ADH6: variants seen among roughly 807,000 people sequenced by gnomAD.
ADH6 encodes the protein alcohol dehydrogenase 6.
Under a neutral mutation model 36.5 loss-of-function variants are expected in ADH6, and 34 were observed. That is an observed-to-expected ratio of 0.93 (90% confidence interval 0.71 to 1.24). ADH6 has a LOEUF of 1.24. Ranked by LOEUF, ADH6 falls within the 50% of genes most tolerant of loss-of-function variation. The probability of loss-of-function intolerance (pLI) is 0.00; values close to 1 mark genes in which losing one functional copy is unlikely to be tolerated. For synonymous variants in ADH6, 161 were observed against 155.5 expected, an observed-to-expected ratio of 1.04 and a Z score of -0.26; for missense variants, 440 against 447.0, an observed-to-expected ratio of 0.98 and a Z score of 0.14.
chr4:99,208,829 C>T lies in ADH6; in HGVS notation c.667G>A (p.Val223Met), dbSNP rs2110546304. Residue 223 changes from valine (V) to methionine (M), a missense_variant, in exon 6 of 9, where the codon GTG becomes ATG. Coordinates refer to ENST00000394899, the MANE Select transcript of ADH6 (RefSeq NM_001102470.2). ...TTAAATTTCTCCTTGTTGACATCCA[C>T]TCCAATGATCCTGGCTGCTCCTGCT... ...KAAGAARIIG[V>M]DVNKEKFKKA... is the part of the protein sequence containing the mutation. The T allele has an allele frequency of 6.2e-7, 1 of 1,613,834 alleles. No homozygotes were observed. Among genetic ancestry groups the T allele is most frequent in the East Asian group, 2.2e-5 (1 of 44,864 alleles).
chr4:99,210,029 T>A (rs1731167024), intron 5 of ADH6, 53 bp downstream of exon 5: 12 of 1,574,136 alleles, frequency 7.6e-6, no homozygotes, highest in Admixed American at 3.4e-5. Flanking sequence ...CAAGAGGCCT[T>A]TCAACTCCAT....
intron 4 of ADH6, 23 bp downstream of exon 4, chr4:99,210,392 A>G (rs1484750985): frequency 6.3e-7 from 1 of 1,598,374 alleles, no homozygotes; most frequent in Non-Finnish European, 8.6e-7. Context: ...GTTTTCAAAA[A>G]GAAAATATTA....
chr4:99,209,013 T>C, intron 5 of ADH6, 85 bp from the exon 6 acceptor site: 1 of 1,385,596 alleles, frequency 7.2e-7, no homozygotes, highest in Non-Finnish European at 9.7e-7. Flanking sequence ...TAAGTCTATA[T>C]GCATGTATTT....
At chr4:99,217,445 C>T (rs1482542069) in intron 1 of ADH6, among the ~76,000 whole-genome samples, 1 of 152,134 alleles carries the variant, frequency 6.6e-6, no homozygotes, top group Non-Finnish European at 1.5e-5. Flanking sequence ...TTTTAGCTCC[C>T]ACGTATGCGT....
Position 99,210,181 on chromosome 4 carries a change from G to T in ADH6, c.468C>A (p.Ile156=), listed in dbSNP as rs1178320141. 6.2e-7 allele frequency: 1 copy of T among 1,613,788 alleles called. No individual in the cohort carries two copies. The highest frequency in any genetic ancestry group is 8.5e-7 in the Non-Finnish European group (1 of 1,179,838). ...CGACTGCATCAATCTTGGCAACTGA[G>T]ATTTCCTTTATCACTGTGTATTCAC... is the stretch of plus-strand genomic sequence containing the variant. ...TFCEYTVIKE[I]SVAKIDAVAP... is the part of the protein sequence containing the mutation. The change falls in exon 5 of 9, where the codon ATC becomes ATA. Residue 156 remains isoleucine, a synonymous_variant. Transcript: ENST00000394899.
Position 99,210,399 on chromosome 4 carries a change from A to G in ADH6, c.350+16T>C. 3 of 1,600,156 alleles carry G rather than the reference A, an allele frequency of 1.9e-6. No homozygotes were observed. Among genetic ancestry groups the G allele is most frequent in the Non-Finnish European group, 2.6e-6 (3 of 1,169,188 alleles). On this transcript the variant is annotated intron_variant, in intron 4 of 8. Transcript: ENST00000394899. The stretch of plus-strand genomic sequence containing the variant: ...TGAATTAAGTTTTCAAAAAGAAAAT[A>G]TTAGTAAAAACTTACTTGAATTGTA...
At chr4:99,217,248 G>A (rs1273115365) in intron 1 of ADH6, among the ~76,000 whole-genome samples, 2 of 152,110 alleles carry the variant, frequency 1.3e-5, no homozygotes, top group Non-Finnish European at 2.9e-5. Context: ...GTGTTAGCCA[G>A]GATGTTCTTG....
intron 6 of ADH6, 44 bp from the exon 7 acceptor site, chr4:99,207,625 A>T (rs1731083053): frequency 6.3e-7 from 1 of 1,585,542 alleles, no homozygotes; most frequent in African/African-American, 1.3e-5. Context: ...TAAAAGATGT[A>T]TGTGAGGATT....
chr4:99,213,328 C>T (rs547234913), intron 3 of ADH6, among the ~76,000 whole-genome samples: 1 of 152,200 alleles, frequency 6.6e-6, no homozygotes, highest in East Asian at 1.9e-4. Context: ...CCTCAGTCAA[C>T]CTTTTTTTCA....
At chr4:99,205,221 C>T (rs1730983224) in intron 7 of ADH6, among the ~76,000 whole-genome samples, 158 bp from the exon 8 acceptor site, 1 of 152,102 alleles carries the variant, frequency 6.6e-6, no homozygotes, top group Non-Finnish European at 1.5e-5. Context: ...ACCCCAACCA[C>T]ACACATTATA....
rs1893883 is a variant in ADH6 at position 99,203,559 on chromosome 4, C to G, written c.*660G>C. The G allele has an allele frequency of 0.63, 96,315 of 151,916 alleles. 32,060 individuals are homozygous for G. The highest frequency in any genetic ancestry group is 0.88 in the East Asian group (4,537 of 5,160). The allele number at this position is 151,916 out of a possible 1,614,324, so 9.4% of individuals were successfully genotyped here. On this transcript the variant is annotated 3_prime_UTR_variant, in exon 9 of 9. Coordinates refer to ENST00000394899, the MANE Select transcript of ADH6 (RefSeq NM_001102470.2). ...CGCTTTGTAGGAAGTGTGGATCCTG[C>G]TAAATGATCCACCTCCTGTATGATG...
intron 7 of ADH6, among the ~76,000 whole-genome samples, chr4:99,206,611 A>G (rs1025948101): frequency 6.6e-6 from 1 of 151,822 alleles, no homozygotes; most frequent in African/African-American, 2.4e-5. Context: ...TACTCTTTAT[A>G]AATGAATTAG....
Position 99,210,184 on chromosome 4 carries a change from T to G in ADH6, c.465A>C (p.Glu155Asp). 6.2e-7 allele frequency: 1 copy of G among 1,613,878 alleles called. No individual in the cohort carries two copies. The highest frequency in any genetic ancestry group is 8.5e-7 in the Non-Finnish European group (1 of 1,179,860). ...STFCEYTVIK[E>D]ISVAKIDAVA... ...CTGCATCAATCTTGGCAACTGAGAT[T>G]TCCTTTATCACTGTGTATTCACAGA... is the stretch of plus-strand genomic sequence containing the variant. The change falls in exon 5 of 9, where the codon GAA becomes GAC. Residue 155 changes from glutamate (E) to aspartate (D), a missense_variant. Glu to Asp is a conservative substitution (Grantham distance 45, BLOSUM62 2). Coordinates refer to ENST00000394899, the MANE Select transcript of ADH6 (RefSeq NM_001102470.2).
At position 99,216,159 on chromosome 4, in the gene ADH6, A is replaced by G; in HGVS notation, c.120+2T>C. ...GATTTTTTTTTTTTTTTTTTTTTTT[A>G]CCTTTATGCGAACTTCCTTTGCCTT... On this transcript the variant is annotated splice_donor_variant, in intron 2 of 8. Transcript: ENST00000394899. LOFTEE classifies it high-confidence loss of function. 2.2e-6 allele frequency: 2 copies of G among 908,084 alleles called. No homozygotes were observed. Among genetic ancestry groups the G allele is most frequent in the Non-Finnish European group, 2.7e-6 (2 of 733,196 alleles). The allele number at this position is 908,084 out of a possible 1,614,324, so 56.3% of individuals were successfully genotyped here. A position where few individuals can be genotyped will look rare whatever the true frequency, so the allele number is the denominator to read the frequency against.
intron 6 of ADH6, 24 bp from the exon 7 acceptor site, chr4:99,207,605 G>C: frequency 6.2e-7 from 1 of 1,608,074 alleles, no homozygotes; most frequent in Non-Finnish European, 8.5e-7. Context: ...ATGCAATACA[G>C]TATAGGGGTT....
chr4:99,205,300 G>T (rs1410757146), intron 7 of ADH6, among the ~76,000 whole-genome samples: 1 of 152,080 alleles, frequency 6.6e-6, no homozygotes, highest in Admixed American at 6.6e-5. Flanking sequence ...CAGATAGAAT[G>T]TGGACCTTGC....
At chr4:99,215,625 G>A (rs912036669) in intron 2 of ADH6, among the ~76,000 whole-genome samples, 2 of 152,126 alleles carry the variant, frequency 1.3e-5, no homozygotes, top group Non-Finnish European at 2.9e-5. Context: ...GGGATTACAG[G>A]GATGAGCTAT....
Position 99,208,068 on chromosome 4 carries a change from A to C in ADH6, c.829-487T>G, listed in dbSNP as rs937243966. 3.0e-4 allele frequency among the ~76,000 whole-genome samples: 45 copies of C among 152,144 alleles called. 3 individuals are homozygous for C. On this transcript the variant is annotated intron_variant, in intron 6 of 8. Coordinates refer to ENST00000394899, the MANE Select transcript of ADH6 (RefSeq NM_001102470.2). ...TTTCTTCTTACAGATAAAGGAATTT[A>C]TGTATGGTGAATCATGAAAAGATTT...
intron 3 of ADH6, among the ~76,000 whole-genome samples, 157 bp from the exon 4 acceptor site, chr4:99,210,659 A>G (rs1163664762): frequency 6.6e-6 from 1 of 152,212 alleles, no homozygotes; most frequent in Non-Finnish European, 1.5e-5. Flanking sequence ...AATATCAAAT[A>G]CTTACAAAAA....
Sources: allele counts gnomAD v4.1 joint callset (sites outside exome capture counted in the v4.1 genomes callset), GRCh38; gene constraint gnomAD v4.1.1; transcripts MANE v1.5; gene names NCBI Gene and HGNC (gene_info 2026-07-23, HGNC 2026-07-21).